PTPN3: variants seen among roughly 807,000 people sequenced by gnomAD.
PTPN3 encodes tyrosine-protein phosphatase non-receptor type 3.
Under a neutral mutation model 132.7 loss-of-function variants are expected in PTPN3, and 96 were observed. That is an observed-to-expected ratio of 0.72 (90% CI 0.61 to 0.86). The LOEUF is 0.86. Among genes scored for constraint, PTPN3 ranks in the 40% least tolerant of loss-of-function variants. PTPN3 has a pLI of 0.00. For synonymous variants in PTPN3, 398 were observed against 429.0 expected (o/e 0.93, Z 0.89); for missense variants, 1,125 against 1,159.6 (o/e 0.97, Z 0.43).
intron 1 of PTPN3, among the ~76,000 whole-genome samples, chr9:109,482,577 A>C (rs1847009985): frequency 6.6e-6 from 1 of 152,138 alleles, no homozygotes; most frequent in African/African-American, 2.4e-5. Context: ...CTAATGCTTT[A>C]TTGGTGCTAG....
At chr9:109,478,789 A>T (rs1014691514) in intron 1 of PTPN3, among the ~76,000 whole-genome samples, 2 of 152,242 alleles carry the variant, frequency 1.3e-5, no homozygotes, top group African/African-American at 4.8e-5. Flanking sequence ...CCCATGACCC[A>T]GGAGAGAGCC....
intron 12 of PTPN3, among the ~76,000 whole-genome samples, chr9:109,426,740 G>A (rs183549280): frequency 4.7e-4 from 71 of 152,306 alleles, no homozygotes; most frequent in African/African-American, 1.6e-3. Context: ...GAGTTCAGCA[G>A]AGTTGAGGGG....
chr9:109,421,423 G>A (rs1460295962), intron 13 of PTPN3, among the ~76,000 whole-genome samples: 1 of 152,170 alleles, frequency 6.6e-6, no homozygotes, highest in Non-Finnish European at 1.5e-5. Context: ...TCCATGATTT[G>A]CAATCCCCCT....
At chr9:109,535,505 CT>C in the PTPN3 span, among the ~76,000 whole-genome samples, 1 of 150,788 alleles carries the variant, frequency 6.6e-6, no homozygotes, top group Non-Finnish European at 1.5e-5. Flanking sequence ...TTTACACATC[CT>C]CTTTTTTTTT....
At chr9:109,449,618 G>A (rs934246847) in intron 5 of PTPN3, 1 of 985,320 alleles carries the variant, frequency 1.0e-6, no homozygotes, top group African/African-American at 1.7e-5. Flanking sequence ...GCGCCCTGGG[G>A]AGACTTCTAT....
the PTPN3 span, among the ~76,000 whole-genome samples, chr9:109,510,577 AT>A: frequency 6.7e-3 from 186 of 27,952 alleles, no homozygotes; most frequent in African/African-American, 9.4e-3. Context: ...AAAAAAAAAA[AT>A]ATATATATAT....
chr9:109,526,822 AG>A, the PTPN3 span, among the ~76,000 whole-genome samples: 1 of 152,256 alleles, frequency 6.6e-6, no homozygotes, highest in Non-Finnish European at 1.5e-5. Flanking sequence ...ATAAATAAGT[AG>A]ACAAAGGAAA....
At chr9:109,525,980 G>A in the PTPN3 span, among the ~76,000 whole-genome samples, 1 of 152,140 alleles carries the variant, frequency 6.6e-6, no homozygotes, top group Non-Finnish European at 1.5e-5. Context: ...AAAATGTGAA[G>A]TTTATAAAGT....
intron 5 of PTPN3, among the ~76,000 whole-genome samples, chr9:109,452,423 A>T (rs1431141651): frequency 6.6e-6 from 1 of 152,126 alleles, no homozygotes; most frequent in African/African-American, 2.4e-5. Context: ...TGTGATTTTT[A>T]AAAAACCCAC....
the PTPN3 span, among the ~76,000 whole-genome samples, chr9:109,511,745 G>A: frequency 6.6e-6 from 1 of 152,162 alleles, no homozygotes; most frequent in African/African-American, 2.4e-5. Context: ...CTAAGTTTTA[G>A]CAGTGTTTTG....
intron 19 of PTPN3, among the ~76,000 whole-genome samples, chr9:109,391,812 GT>G (rs1756888264): frequency 8.0e-6 from 1 of 125,246 alleles, no homozygotes; most frequent in Non-Finnish European, 1.6e-5. Context: ...ATGGAGCATG[GT>G]AAGTGAAACC....
chr9:109,490,838 G>A (rs927623092), intron 1 of PTPN3, among the ~76,000 whole-genome samples: 1 of 140,892 alleles, frequency 7.1e-6, no homozygotes, highest in Non-Finnish European at 1.5e-5. Flanking sequence ...ACAACCGTAC[G>A]CAACCCATTT....
At chr9:109,458,450 T>C (rs1278970885) in intron 2 of PTPN3, among the ~76,000 whole-genome samples, 1 of 152,190 alleles carries the variant, frequency 6.6e-6, no homozygotes, top group African/African-American at 2.4e-5. Flanking sequence ...AAGGACAATA[T>C]GAGTCAGAAA....
At chr9:109,533,017 G>A in the PTPN3 span, 1 of 391,882 alleles carries the variant, frequency 2.6e-6, no homozygotes, top group South Asian at 6.7e-5. Context: ...GTGCAATGGC[G>A]CGATCTCGGC....
At chr9:109,486,441 G>A (rs1306544126) in intron 1 of PTPN3, among the ~76,000 whole-genome samples, 1 of 152,166 alleles carries the variant, frequency 6.6e-6, no homozygotes, top group East Asian at 1.9e-4. Flanking sequence ...CAGTTTGGGT[G>A]GAGTGGAAAA....
chr9:109,517,417 T>A, the PTPN3 span, among the ~76,000 whole-genome samples: 7 of 152,228 alleles, frequency 4.6e-5, no homozygotes, highest in Admixed American at 4.6e-4. Context: ...TTAACCAAGT[T>A]AAGAATTATT....
intron 19 of PTPN3, among the ~76,000 whole-genome samples, chr9:109,392,093 G>A (rs979347975): frequency 1.6e-4 from 25 of 152,038 alleles, no homozygotes; most frequent in African/African-American, 5.6e-4. Flanking sequence ...TAATCACTAC[G>A]AAAAATCTCA....
At chr9:109,525,382 A>C in the PTPN3 span, among the ~76,000 whole-genome samples, 1 of 152,184 alleles carries the variant, frequency 6.6e-6, no homozygotes, top group East Asian at 1.9e-4. Context: ...GCCATTTTAA[A>C]AAGCTAACTC....
chr9:109,446,315 C>G (rs535263322), intron 6 of PTPN3, among the ~76,000 whole-genome samples: 1 of 152,198 alleles, frequency 6.6e-6, no homozygotes, highest in African/African-American at 2.4e-5. Flanking sequence ...TGAACCACTC[C>G]GCCTTTCTGA....
Sources: allele counts gnomAD v4.1 joint callset (sites outside exome capture counted in the v4.1 genomes callset), GRCh38; gene constraint gnomAD v4.1.1; transcripts MANE v1.5; gene names NCBI Gene and HGNC (gene_info 2026-07-23, HGNC 2026-07-21).